Variants in P2RX3 observed in about 807,000 individuals in gnomAD.
P2RX3 encodes the protein P2X purinoceptor 3.
In P2RX3, 41 loss-of-function variants were observed where a neutral mutation model predicts 51.5. The observed-to-expected ratio is 0.80, with a 90% CI of 0.62 to 1.03. The LOEUF is 1.03. Ranked by LOEUF, P2RX3 falls within the 50% of genes least tolerant of loss-of-function variation. The pLI is 0.00. For synonymous variants in P2RX3, 185 were observed against 191.6 expected, an observed-to-expected ratio of 0.97 and a Z score of 0.29; for missense variants, 459 against 522.1, an observed-to-expected ratio of 0.88 and a Z score of 1.18.
chr11:57,343,800 A>T (rs1012779970), intron 1 of P2RX3, among the ~76,000 whole-genome samples: 1 of 151,950 alleles, frequency 6.6e-6, no homozygotes, highest in Non-Finnish European at 1.5e-5. Flanking sequence ...CACAGTTTGC[A>T]CTCTGCGAAT....
chr11:57,340,274 A>T (rs951507037), intron 1 of P2RX3, among the ~76,000 whole-genome samples: 4 of 152,146 alleles, frequency 2.6e-5, no homozygotes, highest in African/African-American at 9.7e-5. Context: ...CTCCTAGACC[A>T]GCCCGCTCAG....
intron 9 of P2RX3, 68 bp downstream of exon 9, chr11:57,368,170 A>G: frequency 6.6e-7 from 1 of 1,520,828 alleles, no homozygotes. Context: ...CGGGTTCTGA[A>G]AAAGCTCCTC....
rs940916463 is a variant in P2RX3 at position 57,371,723 on chromosome 11, G to C, written c.*1726G>C. Among the ~76,000 whole-genome samples the C allele has an allele frequency of 6.6e-6, 1 of 152,212 alleles. No homozygotes were observed. Among genetic ancestry groups the C allele is most frequent in the African/African-American group, 2.4e-5 (1 of 41,460 alleles). ...CCTTGGGAATTGGGCAGTGCCTGGAGATCTGACCAGACTATGCTTCTCCAG... is the reference window on the plus strand; with the variant it reads ...CCTTGGGAATTGGGCAGTGCCTGGACATCTGACCAGACTATGCTTCTCCAG... On this transcript the variant is annotated 3_prime_UTR_variant, in exon 12 of 12. Coordinates refer to ENST00000263314, the MANE Select transcript of P2RX3 (RefSeq NM_002559.5).
chr11:57,371,947 C>T lies in P2RX3; in HGVS notation c.*1950C>T, dbSNP rs959416170. Among the ~76,000 whole-genome samples, 1 of 152,078 alleles carries T rather than the reference C, an allele frequency of 6.6e-6. No individual in the cohort carries two copies. Among genetic ancestry groups the T allele is most frequent in the Non-Finnish European group, 1.5e-5 (1 of 68,006 alleles). ...GAGGTGGTCCTCCTGTAGGTGCCTC[C>T]GCCCCTCTGGAGCCGGCCAGCAAGT... On this transcript the variant is annotated 3_prime_UTR_variant, in exon 12 of 12. Coordinates refer to ENST00000263314, the MANE Select transcript of P2RX3 (RefSeq NM_002559.5).
chr11:57,360,043 G>A (rs994111108), intron 8 of P2RX3, among the ~76,000 whole-genome samples: 12 of 152,134 alleles, frequency 7.9e-5, no homozygotes, highest in African/African-American at 2.9e-4. Context: ...TGGCACAGCC[G>A]GGATTCAGGC....
At position 57,369,435 on chromosome 11, in the gene P2RX3, G is replaced by C. The variant is rs766347091; in HGVS notation, c.1077G>C (p.Glu359Asp). 6.2e-7 allele frequency: 1 copy of C among 1,606,104 alleles called. No individual in the cohort carries two copies. The highest frequency in any genetic ancestry group is 8.5e-7 in the Non-Finnish European group (1 of 1,177,146). The stretch of plus-strand genomic sequence containing the variant: ...ACCAGTACAAAGCCAAGAAGTTTGA[G>C]GAGGTGAGTTGGGGAAGGGGCACCC... The part of the protein sequence containing the change: ...GADQYKAKKF[E>D]EVNETTLKIA... The change falls in exon 11 of 12, where the codon GAG becomes GAC. Residue 359 changes from glutamate to aspartate, a missense_variant. Glu to Asp is a conservative substitution (Grantham distance 45, BLOSUM62 2). Coordinates refer to ENST00000263314, the MANE Select transcript of P2RX3 (RefSeq NM_002559.5).
Position 57,368,362 on chromosome 11 carries a change from G to T in P2RX3, c.937-10G>T, listed in dbSNP as rs767518255. 3 of 1,614,070 alleles carry T rather than the reference G, an allele frequency of 1.9e-6. No individual in the cohort carries two copies. Among genetic ancestry groups the T allele is most frequent in the South Asian group, 2.2e-5 (2 of 91,058 alleles). On this transcript the variant is annotated splice_polypyrimidine_tract_variant and intron_variant, in intron 9 of 11. Transcript: ENST00000263314. ...CCTCTGCCCACTTGCCTTGGTCTTT[G>T]TGCACACAGGCTGGCAAGTTCAACA...
Position 57,370,004 on chromosome 11 carries a change from T to A in P2RX3, c.*7T>A. On this transcript the variant is annotated 3_prime_UTR_variant, in exon 12 of 12. Coordinates refer to ENST00000263314, the MANE Select transcript of P2RX3 (RefSeq NM_002559.5). ...CTTCTCCATAGGCCACTAGGGCCTC[T>A]TTCCAGGGCCCCACACTCACAAAGG... 1 of 1,592,150 alleles carries A rather than the reference T, an allele frequency of 6.3e-7. No individual in the cohort carries two copies. Among genetic ancestry groups the A allele is most frequent in the Non-Finnish European group, 8.6e-7 (1 of 1,160,886 alleles).
intron 8 of P2RX3, among the ~76,000 whole-genome samples, chr11:57,354,887 C>A (rs2134430032): frequency 6.6e-6 from 1 of 152,272 alleles, no homozygotes; most frequent in Middle Eastern, 3.4e-3. Flanking sequence ...AAGGTGTGGG[C>A]AGGGTGTACG....
At chr11:57,365,803 G>A (rs377395884) in intron 8 of P2RX3, among the ~76,000 whole-genome samples, 2 of 152,188 alleles carry the variant, frequency 1.3e-5, no homozygotes, top group African/African-American at 2.4e-5. Flanking sequence ...AGTGGCATAC[G>A]TTCTCCTTCC....
intron 8 of P2RX3, among the ~76,000 whole-genome samples, chr11:57,354,081 T>C (rs1856591020): frequency 6.6e-6 from 1 of 152,072 alleles, no homozygotes; most frequent in African/African-American, 2.4e-5. Flanking sequence ...TACAGGCCCA[T>C]GTAATCACCC....
At chr11:57,365,270 G>A (rs1204722876) in intron 8 of P2RX3, among the ~76,000 whole-genome samples, 8 of 152,224 alleles carry the variant, frequency 5.3e-5, no homozygotes, top group Non-Finnish European at 1.2e-4. Flanking sequence ...TCCAGGTAAA[G>A]GGAAGGGAAC....
At chr11:57,343,555 G>A (rs1662119816) in intron 1 of P2RX3, among the ~76,000 whole-genome samples, 1 of 152,196 alleles carries the variant, frequency 6.6e-6, no homozygotes, top group Admixed American at 6.5e-5. Context: ...CCTCATTCAT[G>A]ACATGAAGGT....
chr11:57,338,517 C>T lies in P2RX3; in HGVS notation c.-34C>T. The T allele has an allele frequency of 2.7e-6, 4 of 1,497,942 alleles. No homozygotes were observed. Among genetic ancestry groups the T allele is most frequent in the Non-Finnish European group, 1.8e-6 (2 of 1,084,968 alleles). 92.8% of individuals were successfully genotyped at this position (1,497,942 alleles called of 1,614,324 possible). A position where few individuals can be genotyped will look rare whatever the true frequency, so the allele number is the denominator to read the frequency against. On this transcript the variant is annotated 5_prime_UTR_variant, in exon 1 of 12. Coordinates refer to ENST00000263314, the MANE Select transcript of P2RX3 (RefSeq NM_002559.5). ...CCCTCTCCTGAGGCCACCACTGGGC[C>T]CCCTTCTGAGTGTCCCCTGAGCACT...
chr11:57,352,005 T>C (rs1010283036), intron 8 of P2RX3, among the ~76,000 whole-genome samples: 2 of 152,134 alleles, frequency 1.3e-5, no homozygotes, highest in African/African-American at 4.8e-5. Context: ...ACAGCTTAAA[T>C]AGAACAAATA....
rs1352374696 is a variant in P2RX3 at position 57,348,216 on chromosome 11, C to T, written c.438C>T (p.Thr146=). 1 of 1,603,448 alleles carries T rather than the reference C, an allele frequency of 6.2e-7. No homozygotes were observed. The highest frequency in any genetic ancestry group is 8.5e-7 in the Non-Finnish European group (1 of 1,175,326). The change falls in exon 5 of 12, where the codon ACC becomes ACT. Residue 146 remains threonine, a synonymous_variant. Coordinates refer to ENST00000263314, the MANE Select transcript of P2RX3 (RefSeq NM_002559.5). ...TGAACTACAGCTCTGTGCTCCGGACCTGTGAGATCCAGGGCTGGTGCCCCA... is the reference window on the plus strand; with the variant it reads ...TGAACTACAGCTCTGTGCTCCGGACTTGTGAGATCCAGGGCTGGTGCCCCA... ...RCVNYSSVLR[T]CEIQGWCPTE...
rs1262864175 is a variant in P2RX3, at chr11:57,347,489, C to T, written c.391+11C>T. The T allele has an allele frequency of 1.3e-6, 2 of 1,553,260 alleles. No homozygotes were observed. The highest frequency in any genetic ancestry group is 4.9e-5 in the East Asian group (2 of 41,078). On this transcript the variant is annotated intron_variant, in intron 4 of 11. Transcript: ENST00000263314. ...GCTTGCCAGGTGGGGGTGAGTCCAG[C>T]CCCTTACCCACCCCACAATCCCAAG... is the stretch of plus-strand genomic sequence containing the variant.
intron 10 of P2RX3, 104 bp from the exon 11 acceptor site, chr11:57,369,257 T>G: frequency 1.1e-6 from 1 of 948,914 alleles, no homozygotes. Flanking sequence ...CTGCCCACTG[T>G]TTAGGCAGCT....
At chr11:57,344,275 A>G (rs1247562701) in intron 1 of P2RX3, among the ~76,000 whole-genome samples, 3 of 152,342 alleles carry the variant, frequency 2.0e-5, no homozygotes, top group Admixed American at 6.5e-5. Context: ...AGCCAGTAAT[A>G]CTACTGAAAA....
Sources: allele counts gnomAD v4.1 joint callset (sites outside exome capture counted in the v4.1 genomes callset), GRCh38; gene constraint gnomAD v4.1.1; transcripts MANE v1.5; gene names NCBI Gene and HGNC (gene_info 2026-07-23, HGNC 2026-07-21).